ASCC3: variants seen among roughly 807,000 people sequenced by gnomAD.
ASCC3 encodes activating signal cointegrator 1 complex subunit 3.
A neutral mutation model predicts 256.3 loss-of-function variants in ASCC3; 158 were observed. That is an observed-to-expected ratio of 0.62 (90% CI 0.54 to 0.70). The LOEUF is 0.70. Ranked by LOEUF, ASCC3 falls within the 30% of genes least tolerant of loss-of-function variation. The probability of loss-of-function intolerance (pLI) is 0.00; values close to 1 mark genes in which losing one functional copy is unlikely to be tolerated. For missense variants in ASCC3, 2,259 were observed against 2,626.0 expected (o/e 0.86, Z 3.05); for synonymous variants, 948 against 883.4 (o/e 1.07, Z -1.30).
rs117367228 is a variant in ASCC3 at position 100,566,013 on chromosome 6, G to C, written c.5550+23621C>G. Among the ~76,000 whole-genome samples, 1,097 of 152,210 alleles carry C rather than the reference G, an allele frequency of 7.2e-3. 32 individuals are homozygous for C. Among genetic ancestry groups the C allele is most frequent in the East Asian group, 0.071 (365 of 5,168 alleles). ...TCTGATGGTCAAGGAGAGACTAAGT[G>C]TTCTGAATCCCTAAAAATGTAAAGG... On this transcript the variant is annotated intron_variant, in intron 36 of 41. Transcript: ENST00000369162.
At chr6:100,644,996 C>A (rs942082838) in intron 22 of ASCC3, among the ~76,000 whole-genome samples, 7 of 152,164 alleles carry the variant, frequency 4.6e-5, no homozygotes, top group Non-Finnish European at 1.0e-4. Flanking sequence ...CCTATTCTAC[C>A]TGTGGACCTT....
At position 100,530,054 on chromosome 6, in the gene ASCC3, T is replaced by G. The variant is rs113137136; in HGVS notation, c.5775+10109A>C. 5.3e-5 allele frequency among the ~76,000 whole-genome samples: 8 copies of G among 152,274 alleles called. 1 individual carries two copies. The highest frequency in any genetic ancestry group is 1.9e-4 in the African/African-American group (8 of 41,566). ...GTGCAGTTCTCCAAATATTCTGGTA[T>G]AATTTGGTATTTAACATACATTAAT... On this transcript the variant is annotated intron_variant, in intron 37 of 41. Transcript: ENST00000369162.
chr6:100,584,089 G>A (rs1476989266), intron 36 of ASCC3, among the ~76,000 whole-genome samples: 1 of 151,660 alleles, frequency 6.6e-6, no homozygotes, highest in Non-Finnish European at 1.5e-5. Context: ...GAGTTCTGTA[G>A]ATGTCTATTA....
At chr6:100,825,551 C>T (rs1466727536) in intron 4 of ASCC3, among the ~76,000 whole-genome samples, 1 of 152,162 alleles carries the variant, frequency 6.6e-6, no homozygotes, top group African/African-American at 2.4e-5. Flanking sequence ...TCCATCATTT[C>T]AACCTTGGTG....
In ASCC3 at chr6:100,606,976, T is replaced by C; in HGVS notation, c.4898A>G (p.Glu1633Gly). ...LHERDRKTVE[E>G]LFVNCKVQVL... The stretch of plus-strand genomic sequence containing the variant: ...CTGAACTTTACAGTTTACAAATAGT[T>C]CCTCTACTGTTTTTCGGTCCCTCTC... The change falls in exon 31 of 42, where the codon GAA (glutamate) becomes GGA (glycine). Residue 1633 changes from glutamate (E) to glycine (G), a missense_variant. Coordinates refer to ENST00000369162, the MANE Select transcript of ASCC3 (RefSeq NM_006828.4). The C allele has an allele frequency of 6.2e-7, 1 of 1,613,698 alleles. No individual in the cohort carries two copies.
chr6:100,710,628 G>A (rs1431360710), intron 13 of ASCC3, among the ~76,000 whole-genome samples: 1 of 152,016 alleles, frequency 6.6e-6, no homozygotes, highest in Non-Finnish European at 1.5e-5. Context: ...TTCCTAAGGG[G>A]GCATCTTAGT....
Position 100,530,372 on chromosome 6 carries a change from A to G in ASCC3, c.5775+9791T>C, listed in dbSNP as rs116448257. 1,414 of 1,248,578 alleles carry G rather than the reference A, an allele frequency of 1.1e-3. 17 individuals are homozygous for G. In the African/African-American group the frequency reaches 0.019, roughly 16 times the overall value. 77.3% of individuals were successfully genotyped at this position (1,248,578 alleles called of 1,614,324 possible). ...AAACCGCAGTAAGTTGTCTATCTCAAAATGACTGGAAGTTAGATGTTGCAA... is the reference window on the plus strand; with the variant it reads ...AAACCGCAGTAAGTTGTCTATCTCAGAATGACTGGAAGTTAGATGTTGCAA... On this transcript the variant is annotated intron_variant, in intron 37 of 41. Coordinates refer to ENST00000369162, the MANE Select transcript of ASCC3 (RefSeq NM_006828.4).
intron 14 of ASCC3, among the ~76,000 whole-genome samples, chr6:100,673,766 C>T (rs566917180): frequency 6.6e-6 from 1 of 152,276 alleles, no homozygotes; most frequent in African/African-American, 2.4e-5. Flanking sequence ...CAACAATCTT[C>T]AATAGCTTCT....
intron 14 of ASCC3, among the ~76,000 whole-genome samples, chr6:100,665,118 G>A (rs1456071535): frequency 6.6e-6 from 1 of 151,938 alleles, no homozygotes; most frequent in Non-Finnish European, 1.5e-5. Flanking sequence ...AGTAGCAGGT[G>A]GATCTTGGAG....
chr6:100,833,123 T>TA (rs1232390245), intron 4 of ASCC3, among the ~76,000 whole-genome samples: 2 of 151,968 alleles, frequency 1.3e-5, no homozygotes, highest in South Asian at 2.1e-4. Flanking sequence ...TATTCAATGC[T>TA]AAAAAAACAC....
chr6:100,854,774 A>G (rs1435904554), intron 3 of ASCC3, among the ~76,000 whole-genome samples: 1 of 152,210 alleles, frequency 6.6e-6, no homozygotes, highest in Non-Finnish European at 1.5e-5. Context: ...ATTAGACTTC[A>G]TATAAAAGCT....
chr6:100,767,552 T>C (rs1781715680), intron 8 of ASCC3, among the ~76,000 whole-genome samples: 1 of 152,202 alleles, frequency 6.6e-6, no homozygotes, highest in East Asian at 1.9e-4. Context: ...AAATGGCAAC[T>C]CGATAAATTT....
rs552931258 is a variant in ASCC3, at chr6:100,589,780, G to T, written c.5416-12C>A. ...ATGCTGCGATTATCCTATTTCAAAA[G>T]AATAACAAATGAAGAGTACGATGAA... On this transcript the variant is annotated splice_polypyrimidine_tract_variant and intron_variant, in intron 35 of 41. Coordinates refer to ENST00000369162, the MANE Select transcript of ASCC3 (RefSeq NM_006828.4). 1.2e-6 allele frequency: 2 copies of T among 1,613,364 alleles called. No individual in the cohort carries two copies. The highest frequency in any genetic ancestry group is 2.2e-5 in the East Asian group (1 of 44,828).
intron 4 of ASCC3, among the ~76,000 whole-genome samples, chr6:100,809,023 C>T (rs1345824344): frequency 6.6e-6 from 1 of 151,876 alleles, no homozygotes; most frequent in Admixed American, 6.6e-5. Context: ...CTTGAAAGAG[C>T]ACTTACTATG....
chr6:100,555,673 C>T (rs1769535918), intron 36 of ASCC3, among the ~76,000 whole-genome samples: 1 of 152,068 alleles, frequency 6.6e-6, no homozygotes, highest in Non-Finnish European at 1.5e-5. Flanking sequence ...TTAAAGGCTA[C>T]AATAAAAATG....
intron 36 of ASCC3, among the ~76,000 whole-genome samples, chr6:100,550,016 G>A: frequency 6.6e-6 from 1 of 151,894 alleles, no homozygotes; most frequent in Non-Finnish European, 1.5e-5. Flanking sequence ...TGAGAAGAAT[G>A]ATGATGCTAT....
chr6:100,655,302 T>C (rs1030726602), intron 17 of ASCC3, among the ~76,000 whole-genome samples: 2 of 151,834 alleles, frequency 1.3e-5, no homozygotes, highest in Non-Finnish European at 3.0e-5. Context: ...AGAATAGGGA[T>C]TAGAAGAGAC....
chr6:100,583,404 TG>T (rs546988698), intron 36 of ASCC3, among the ~76,000 whole-genome samples: 5,086 of 152,134 alleles, frequency 0.033, 258 homozygotes, highest in African/African-American at 0.12. Flanking sequence ...CTGATGGTAG[TG>T]TTGTATTTCT....
At chr6:100,717,628 A>G (rs959404056) in intron 12 of ASCC3, among the ~76,000 whole-genome samples, 7 of 152,100 alleles carry the variant, frequency 4.6e-5, no homozygotes, top group Non-Finnish European at 2.9e-5. Flanking sequence ...AGTTAAACAG[A>G]ACACCTTCCT....
Sources: allele counts gnomAD v4.1 joint callset (sites outside exome capture counted in the v4.1 genomes callset), GRCh38; gene constraint gnomAD v4.1.1; transcripts MANE v1.5; gene names NCBI Gene and HGNC (gene_info 2026-07-23, HGNC 2026-07-21).